The following SFMBT1 variants were observed in gnomAD, a reference collection of about 807,000 sequenced individuals.
SFMBT1 encodes Scm like with four mbt domains 1, also known as scm-like with four MBT domains protein 1.
A neutral mutation model predicts 108.7 loss-of-function variants in SFMBT1; 32 were observed. The ratio of observed to expected loss-of-function variants is 0.29; its 90% CI spans 0.22 to 0.40. The LOEUF is 0.40. Among genes scored for constraint, SFMBT1 ranks in the 10% least tolerant of loss-of-function variants. SFMBT1 has a pLI of 1.00. For missense variants in SFMBT1, 816 were observed against 1,059.6 expected (o/e 0.77, Z 3.19); for synonymous variants, 348 against 369.5 (o/e 0.94, Z 0.67).
At chr3:53,034,460 A>G (rs1699800424) in intron 1 of SFMBT1, among the ~76,000 whole-genome samples, 1 of 151,964 alleles carries the variant, frequency 6.6e-6, no homozygotes, top group Non-Finnish European at 1.5e-5. Flanking sequence ...GCCTGTCTAT[A>G]ATCCCAGTTG....
chr3:52,954,124 C>CA lies in SFMBT1; in HGVS notation c.123+192dup, dbSNP rs547130614. ...TGGGCGACAAAGCGAGACTCCATCTCAAAAAAAAATAAAAAAATAAAAAAA... is the reference window on the plus strand; with the variant it reads ...TGGGCGACAAAGCGAGACTCCATCTCAAAAAAAAAATAAAAAAATAAAAAAA... On this transcript the variant is annotated intron_variant, in intron 3 of 20. Transcript: ENST00000394752. 1.7e-4 allele frequency among the ~76,000 whole-genome samples: 24 copies of CA among 144,880 alleles called. 1 individual carries two copies. The highest frequency in any genetic ancestry group is 8.3e-4 in the Admixed American group (12 of 14,398).
At chr3:52,996,996 G>A (rs991547327) in intron 1 of SFMBT1, among the ~76,000 whole-genome samples, 1 of 149,454 alleles carries the variant, frequency 6.7e-6, no homozygotes, top group Non-Finnish European at 1.5e-5. Context: ...TTGAACCTGG[G>A]AGGCGGAGCC....
At chr3:53,041,648 T>C (rs1036198709) in intron 1 of SFMBT1, among the ~76,000 whole-genome samples, 7 of 127,758 alleles carry the variant, frequency 5.5e-5, no homozygotes, top group African/African-American at 2.1e-4. Flanking sequence ...CAGTGAGCCA[T>C]GATCGTGCCA....
rs144754302 is a variant in SFMBT1 at position 52,920,687 on chromosome 3, A to C, written c.1259-37T>G. 4.9e-5 allele frequency: 66 copies of C among 1,356,052 alleles called. 3 individuals are homozygous for C. The highest frequency in any genetic ancestry group is 4.8e-4 in the South Asian group (40 of 82,630). The allele number at this position is 1,356,052 out of a possible 1,614,324, so 84.0% of individuals were successfully genotyped here. On this transcript the variant is annotated intron_variant, in intron 11 of 20. Transcript: ENST00000394752. ...TAAACAAACAAACAAACAAACAAAC[A>C]AACCTTTTTTTAGACCATTAAATAA... is the stretch of plus-strand genomic sequence containing the variant.
At chr3:52,940,992 TG>T (rs1339043143) in intron 4 of SFMBT1, among the ~76,000 whole-genome samples, 3 of 152,140 alleles carry the variant, frequency 2.0e-5, no homozygotes, top group African/African-American at 7.2e-5. Flanking sequence ...TCTGACAGAA[TG>T]ACTGGCCTGT....
chr3:52,981,990 A>G (rs889371857), intron 1 of SFMBT1, among the ~76,000 whole-genome samples: 2 of 152,102 alleles, frequency 1.3e-5, no homozygotes, highest in Non-Finnish European at 2.9e-5. Flanking sequence ...CTTGCCAGTA[A>G]GGGTCTGCTT....
intron 13 of SFMBT1, among the ~76,000 whole-genome samples, chr3:52,917,545 A>C (rs1702396496): frequency 1.3e-5 from 2 of 152,110 alleles, no homozygotes; most frequent in Admixed American, 6.5e-5. Flanking sequence ...AAGAAAATAA[A>C]TTTCTGTGGT....
chr3:52,927,234 T>C (rs571035719), intron 9 of SFMBT1, among the ~76,000 whole-genome samples: 2 of 152,260 alleles, frequency 1.3e-5, no homozygotes, highest in East Asian at 3.9e-4. Context: ...TCTGTTAATA[T>C]TTCCCCCTAT....
At chr3:52,989,329 G>C (rs1705037063) in intron 1 of SFMBT1, among the ~76,000 whole-genome samples, 1 of 151,354 alleles carries the variant, frequency 6.6e-6, no homozygotes, top group Non-Finnish European at 1.5e-5. Context: ...ATGCCTTTTG[G>C]GAGGCTGAGG....
intron 4 of SFMBT1, among the ~76,000 whole-genome samples, chr3:52,942,951 T>C (rs1703235136): frequency 6.6e-6 from 1 of 152,222 alleles, no homozygotes; most frequent in South Asian, 2.1e-4. Context: ...CTTGATTTAG[T>C]TCATTTAAGA....
intron 9 of SFMBT1, among the ~76,000 whole-genome samples, chr3:52,926,426 GAC>G (rs1456917581): frequency 6.6e-6 from 1 of 152,152 alleles, no homozygotes; most frequent in African/African-American, 2.4e-5. Flanking sequence ...AAGAATTTAA[GAC>G]AGTTATGACT....
chr3:52,961,889 G>A (rs920638132), intron 2 of SFMBT1, among the ~76,000 whole-genome samples: 21 of 152,092 alleles, frequency 1.4e-4, no homozygotes, highest in Non-Finnish European at 2.9e-4. Flanking sequence ...TAAAAAATAA[G>A]TAACAATTAA....
At chr3:52,983,061 A>AT (rs1704772647) in intron 1 of SFMBT1, among the ~76,000 whole-genome samples, 1 of 151,710 alleles carries the variant, frequency 6.6e-6, no homozygotes, top group Non-Finnish European at 1.5e-5. Flanking sequence ...GACAGAAACT[A>AT]TAATGTTATT....
chr3:52,909,329 A>C (rs1306289994), intron 17 of SFMBT1, among the ~76,000 whole-genome samples: 1 of 152,212 alleles, frequency 6.6e-6, no homozygotes, highest in Non-Finnish European at 1.5e-5. Flanking sequence ...CTCAGCTCCT[A>C]ATAATTGCAG....
Position 52,969,136 on chromosome 3 carries a change from G to A in SFMBT1, c.-8C>T, listed in dbSNP as rs1383651915. The A allele has an allele frequency of 1.2e-6, 2 of 1,614,016 alleles. No homozygotes were observed. Among genetic ancestry groups the A allele is most frequent in the Non-Finnish European group, 1.7e-6 (2 of 1,179,970 alleles). On this transcript the variant is annotated 5_prime_UTR_variant, in exon 2 of 21. Transcript: ENST00000394752. The stretch of plus-strand genomic sequence containing the variant: ...CTGCTGCTCCCCGTTCATTTCCACA[G>A]CATATAGGCAGGCTATATCCTCCCA...
chr3:53,010,872 G>C (rs1448038753), intron 1 of SFMBT1, among the ~76,000 whole-genome samples: 1 of 152,094 alleles, frequency 6.6e-6, no homozygotes, highest in Non-Finnish European at 1.5e-5. Context: ...CATCTATTTG[G>C]TATCTGTATC....
chr3:52,934,172 T>C (rs1266802294), intron 5 of SFMBT1, among the ~76,000 whole-genome samples: 1 of 152,018 alleles, frequency 6.6e-6, no homozygotes, highest in Non-Finnish European at 1.5e-5. Flanking sequence ...TCAGCTATAA[T>C]AAAAAAGATA....
Position 53,023,191 on chromosome 3 carries a change from T to A in SFMBT1, c.-131+22625A>T, listed in dbSNP as rs78698666. Among the ~76,000 whole-genome samples, 1,271 of 152,306 alleles carry A rather than the reference T, an allele frequency of 8.3e-3. 9 individuals are homozygous for A. The highest frequency in any genetic ancestry group is 0.013 in the Non-Finnish European group (916 of 68,028). ...CTAATCAGATCAGGAGAGGTCAATG[T>A]GATCCTTTATGTGACAGAGATCTAA... On this transcript the variant is annotated intron_variant, in intron 1 of 20. Coordinates refer to ENST00000394752, the MANE Select transcript of SFMBT1 (RefSeq NM_016329.4).
intron 1 of SFMBT1, among the ~76,000 whole-genome samples, chr3:52,973,514 C>T (rs1704417365): frequency 2.0e-5 from 3 of 152,176 alleles, no homozygotes; most frequent in Admixed American, 2.0e-4. Flanking sequence ...ATAGCTATTT[C>T]ATTTTTAAGT....
Sources: allele counts gnomAD v4.1 joint callset (sites outside exome capture counted in the v4.1 genomes callset), GRCh38; gene constraint gnomAD v4.1.1; transcripts MANE v1.5; gene names NCBI Gene and HGNC (gene_info 2026-07-23, HGNC 2026-07-21).